Variants in RAB5B observed in about 807,000 individuals in gnomAD.
RAB5B encodes the protein ras-related protein Rab-5B.
A neutral mutation model predicts 28.6 loss-of-function variants in RAB5B; 11 were observed. That is an observed-to-expected ratio of 0.38 (90% CI 0.24 to 0.64). The LOEUF (loss-of-function observed/expected upper bound fraction) is 0.64. RAB5B is among the 30% of genes least tolerant of loss of function. The pLI is 0.53. For synonymous variants in RAB5B, 93 were observed against 97.9 expected, an observed-to-expected ratio of 0.95 and a Z score of 0.29; for missense variants, 169 against 265.6, an observed-to-expected ratio of 0.64 and a Z score of 2.53.
rs931276876 is a variant in RAB5B, at chr12:55,988,531, G to A, written c.163+1408G>A. Among the ~76,000 whole-genome samples the A allele has an allele frequency of 4.6e-5, 7 of 151,844 alleles. No individual in the cohort carries two copies. The East Asian group carries it at 7.7e-4, about 17-fold the overall frequency. On this transcript the variant is annotated intron_variant, in intron 2 of 5. Coordinates refer to ENST00000360299, the MANE Select transcript of RAB5B (RefSeq NM_002868.4). ...TTATTTATTTATTTATTTTTGAGAC[G>A]GAGTCTCTGTCGCCCAGACTGGAGT...
intron 2 of RAB5B, among the ~76,000 whole-genome samples, chr12:55,988,145 G>A (rs543024021): frequency 9.3e-5 from 14 of 151,212 alleles, no homozygotes; most frequent in Admixed American, 5.3e-4. Context: ...GTGAAAATCC[G>A]TCTCAAAAAA....
chr12:55,976,716 G>A (rs1416807767), intron 1 of RAB5B, among the ~76,000 whole-genome samples: 2 of 152,172 alleles, frequency 1.3e-5, no homozygotes, highest in African/African-American at 2.4e-5. Flanking sequence ...TTAGGCTGGA[G>A]TACAGTGTGT....
chr12:55,991,576 T>A, intron 5 of RAB5B, 123 bp downstream of exon 5: 1 of 722,048 alleles, frequency 1.4e-6, no homozygotes, highest in Non-Finnish European at 2.4e-6. Flanking sequence ...TGGAAATACC[T>A]TAACTTTCTG....
intron 2 of RAB5B, 22 bp downstream of exon 2, chr12:55,987,145 G>C: frequency 6.3e-7 from 1 of 1,584,724 alleles, no homozygotes; most frequent in South Asian, 1.2e-5. Flanking sequence ...GGGGTAATAG[G>C]AGATTGAATG....
chr12:55,975,574 A>G (rs1437600149), intron 1 of RAB5B, among the ~76,000 whole-genome samples: 1 of 151,204 alleles, frequency 6.6e-6, no homozygotes, highest in Non-Finnish European at 1.5e-5. Context: ...TGATCTTCCC[A>G]CTGCACTCCA....
intron 5 of RAB5B, 181 bp downstream of exon 5, chr12:55,991,634 G>C: frequency 7.2e-6 from 4 of 555,574 alleles, no homozygotes; most frequent in Non-Finnish European, 9.7e-6. Flanking sequence ...TGTCTTCAAT[G>C]TGTAAGTTTG....
intron 1 of RAB5B, among the ~76,000 whole-genome samples, chr12:55,976,512 C>T (rs1889650668): frequency 6.6e-6 from 1 of 152,174 alleles, no homozygotes; most frequent in Non-Finnish European, 1.5e-5. Context: ...TAATTGTTGG[C>T]ATCTCTGCTA....
chr12:55,990,163 A>G, intron 3 of RAB5B, 65 bp downstream of exon 3: 1 of 1,500,876 alleles, frequency 6.7e-7, no homozygotes, highest in South Asian at 1.2e-5. Flanking sequence ...TAATCCCAAC[A>G]CTTTAGGATG....
At chr12:55,976,138 C>G (rs536963326) in intron 1 of RAB5B, among the ~76,000 whole-genome samples, 1 of 152,222 alleles carries the variant, frequency 6.6e-6, no homozygotes, top group African/African-American at 2.4e-5. Context: ...TAAATCCTCC[C>G]ACACATACCT....
chr12:55,992,046 G>A (rs1259367871), intron 5 of RAB5B, 51 bp from the exon 6 acceptor site: 1 of 1,440,772 alleles, frequency 6.9e-7, no homozygotes, highest in Admixed American at 1.8e-5. Context: ...AGGCAGAGGG[G>A]TAGGGAAGTA....
At chr12:55,976,154 A>G (rs1889642423) in intron 1 of RAB5B, among the ~76,000 whole-genome samples, 1 of 152,198 alleles carries the variant, frequency 6.6e-6, no homozygotes, top group Non-Finnish European at 1.5e-5. Flanking sequence ...TACCTTATTC[A>G]TATTTCATTT....
rs1890320161 is a variant in RAB5B, at chr12:55,996,683, A to C, written c.*4471A>C. ...TACGCAAAATAAAAGACGGCTATTC[A>C]GTGTTGTTGTTTCATTTTTGTTTGG... On this transcript the variant is annotated 3_prime_UTR_variant, in exon 6 of 6. Transcript: ENST00000360299. 6.6e-6 allele frequency: 1 copy of C among 151,992 alleles called. No homozygotes were observed. Among genetic ancestry groups the C allele is most frequent in the African/African-American group, 2.4e-5 (1 of 41,382 alleles). The allele number at this position is 151,992 out of a possible 1,614,324, so 9.4% of individuals were successfully genotyped here. A position where few individuals can be genotyped will look rare whatever the true frequency, so the allele number is the denominator to read the frequency against.
chr12:55,979,928 G>A (rs1889752794), intron 1 of RAB5B, among the ~76,000 whole-genome samples: 1 of 152,144 alleles, frequency 6.6e-6, no homozygotes, highest in Non-Finnish European at 1.5e-5. Context: ...GGTAACACTT[G>A]ACAAGTTGAC....
chr12:55,989,258 CTTTTG>C (rs779649148), intron 2 of RAB5B, among the ~76,000 whole-genome samples: 4 of 150,914 alleles, frequency 2.7e-5, no homozygotes, highest in Non-Finnish European at 4.4e-5. Flanking sequence ...CTAATTAATT[CTTTTG>C]TTTGTTTGCG....
chr12:55,975,345 T>C (rs568494901), intron 1 of RAB5B, among the ~76,000 whole-genome samples: 10 of 152,260 alleles, frequency 6.6e-5, no homozygotes, highest in African/African-American at 2.4e-4. Flanking sequence ...AGAAATTCCA[T>C]TTCAAAAGCT....
chr12:55,990,533 T>G lies in RAB5B; in HGVS notation c.316-149T>G, dbSNP rs1459809362. The G allele has an allele frequency of 1.9e-5, 21 of 1,122,018 alleles. No homozygotes were observed. In the Admixed American group the frequency reaches 4.7e-4, roughly 25 times the overall value. 69.5% of individuals were successfully genotyped at this position (1,122,018 alleles called of 1,614,324 possible). A position where few individuals can be genotyped will look rare whatever the true frequency, so the allele number is the denominator to read the frequency against. ...GAGTACAAATTATGCTTCCAAGTGC[T>G]AAGAAGACAGATAATGAATTATCAG... On this transcript the variant is annotated intron_variant, in intron 3 of 5. Transcript: ENST00000360299.
At position 55,992,181 on chromosome 12, in the gene RAB5B, A is replaced by G. The variant is rs1387548844; in HGVS notation, c.617A>G (p.Gln206Arg). ...SRGVDLHEQS[Q>R]QNKSQCCSN ...GGTGTGGATCTCCATGAACAGTCCC[A>G]GCAGAACAAGAGCCAGTGTTGTAGC... Residue 206 changes from glutamine (Q) to arginine (R), a missense_variant, in exon 6 of 6, where the codon CAG becomes CGG. Physicochemically the swap from Gln to Arg is conservative, Grantham distance 43 (BLOSUM62 1). Transcript: ENST00000360299. 5 of 1,610,982 alleles carry G rather than the reference A, an allele frequency of 3.1e-6. No individual in the cohort carries two copies. Among genetic ancestry groups the G allele is most frequent in the African/African-American group, 2.7e-5 (2 of 73,928 alleles).
At position 55,994,737 on chromosome 12, in the gene RAB5B, A is replaced by G. The variant is rs776754651; in HGVS notation, c.*2525A>G. 2.6e-5 allele frequency: 4 copies of G among 152,134 alleles called. No homozygotes were observed. Among genetic ancestry groups the G allele is most frequent in the Non-Finnish European group, 5.9e-5 (4 of 67,950 alleles). The allele number at this position is 152,134 out of a possible 1,614,324, so 9.4% of individuals were successfully genotyped here. On this transcript the variant is annotated 3_prime_UTR_variant, in exon 6 of 6. Transcript: ENST00000360299. ...TTGGAGTGTTGCTTTTTTTTATTTT[A>G]TTGTTATTATTATTATTATTTTTGC...
chr12:55,987,168 T>G, intron 2 of RAB5B, 45 bp downstream of exon 2: 1 of 1,281,784 alleles, frequency 7.8e-7, no homozygotes, highest in Non-Finnish European at 1.0e-6. Context: ...TGGTAAGGGT[T>G]TTTTTTTTTT....
Sources: gnomAD v4.1 joint callset for allele counts (sites outside exome capture counted in the v4.1 genomes callset) on GRCh38, gnomAD v4.1.1 for gene constraint, MANE v1.5 for transcripts, NCBI Gene and HGNC (gene_info 2026-07-23, HGNC 2026-07-21) for gene names.